The following SCAMP1 variants were observed in gnomAD, a reference collection of about 807,000 sequenced individuals.
The protein encoded by SCAMP1 is secretory carrier membrane protein 1.
Under a neutral mutation model 41.8 loss-of-function variants are expected in SCAMP1, and 15 were observed. That is an observed-to-expected ratio of 0.36 (90% CI 0.24 to 0.55). The LOEUF is 0.55. Ranked by LOEUF, SCAMP1 falls within the 20% of genes least tolerant of loss-of-function variation. SCAMP1 has a pLI of 0.86. For synonymous variants in SCAMP1, 135 were observed against 136.8 expected (o/e 0.99, Z 0.09); for missense variants, 341 against 412.6 (o/e 0.83, Z 1.50).
chr5:78,442,524 G>A (rs1005079061), intron 6 of SCAMP1, among the ~76,000 whole-genome samples: 10 of 152,170 alleles, frequency 6.6e-5, no homozygotes, highest in Admixed American at 6.6e-5. Flanking sequence ...CTCACAAAGT[G>A]CTGGGATTAC....
chr5:78,403,980 A>AAAAAG (rs1561262510), intron 2 of SCAMP1, among the ~76,000 whole-genome samples: 1 of 133,708 alleles, frequency 7.5e-6, no homozygotes, highest in Non-Finnish European at 1.6e-5. Context: ...AAAAAAAAAA[A>AAAAAG]GGGATGGTGG....
intron 6 of SCAMP1, among the ~76,000 whole-genome samples, chr5:78,446,299 G>C (rs1426214962): frequency 6.6e-6 from 1 of 152,130 alleles, no homozygotes; most frequent in Non-Finnish European, 1.5e-5. Flanking sequence ...TCTTCTAATA[G>C]ATTTCTTAAC....
intron 2 of SCAMP1, among the ~76,000 whole-genome samples, chr5:78,403,511 A>G (rs1751849580): frequency 6.6e-6 from 1 of 152,166 alleles, no homozygotes; most frequent in South Asian, 2.1e-4. Flanking sequence ...GAGAATAAGA[A>G]AAATAAGACG....
In SCAMP1 at chr5:78,475,766, C is replaced by T; in HGVS notation, c.*98C>T. The stretch of plus-strand genomic sequence containing the variant: ...TTATGTTCAAAACACACAGTACAGA[C>T]AGCATGGATATTTCCTGTTCACTTG... On this transcript the variant is annotated 3_prime_UTR_variant, in exon 9 of 9. Coordinates refer to ENST00000621999, the MANE Select transcript of SCAMP1 (RefSeq NM_004866.6). The T allele has an allele frequency of 2.2e-6, 2 of 926,906 alleles. No homozygotes were observed. Among genetic ancestry groups the T allele is most frequent in the South Asian group, 5.9e-5 (2 of 33,986 alleles). 57.4% of individuals were successfully genotyped at this position (926,906 alleles called of 1,614,324 possible). A position where few individuals can be genotyped will look rare whatever the true frequency, so the allele number is the denominator to read the frequency against.
At chr5:78,417,053 C>G (rs752299577) in intron 4 of SCAMP1, among the ~76,000 whole-genome samples, 1 of 152,122 alleles carries the variant, frequency 6.6e-6, no homozygotes, top group African/African-American at 2.4e-5. Flanking sequence ...CCCCAGTCCT[C>G]GCAAGTATTT....
intron 2 of SCAMP1, among the ~76,000 whole-genome samples, chr5:78,403,361 A>G (rs1487198647): frequency 6.6e-6 from 1 of 152,124 alleles, no homozygotes; most frequent in Non-Finnish European, 1.5e-5. Context: ...CATTGCTGTC[A>G]TTCATTTCGC....
intron 8 of SCAMP1, among the ~76,000 whole-genome samples, chr5:78,469,930 A>AAAAAC (rs1753842741): frequency 4.7e-5 from 1 of 21,056 alleles, no homozygotes; most frequent in African/African-American, 3.0e-4. Context: ...AAAAAAAAAA[A>AAAAAC]AACAACAACA....
chr5:78,418,708 AAC>A (rs1752266299), intron 4 of SCAMP1, 65 bp from the exon 5 acceptor site: 1 of 1,087,198 alleles, frequency 9.2e-7, no homozygotes, highest in Non-Finnish European at 1.3e-6. Context: ...TTTATTATGA[AAC>A]AAAAAATAAT....
intron 3 of SCAMP1, among the ~76,000 whole-genome samples, chr5:78,415,846 C>T (rs1482303436): frequency 2.6e-5 from 4 of 152,112 alleles, no homozygotes; most frequent in Non-Finnish European, 5.9e-5. Flanking sequence ...ATTTATGTAT[C>T]ATCTCAGTGG....
At chr5:78,385,050 G>A (rs1751309173) in intron 1 of SCAMP1, among the ~76,000 whole-genome samples, 1 of 152,034 alleles carries the variant, frequency 6.6e-6, no homozygotes, top group Non-Finnish European at 1.5e-5. Context: ...AATGTCTGAT[G>A]GAATTCAGCT....
At chr5:78,447,472 T>C (rs776455625) in intron 6 of SCAMP1, among the ~76,000 whole-genome samples, 1 of 152,096 alleles carries the variant, frequency 6.6e-6, no homozygotes, top group Non-Finnish European at 1.5e-5. Flanking sequence ...ACTACTAATT[T>C]TGAGAAAGGT....
At chr5:78,438,180 A>C (rs1385757747) in intron 6 of SCAMP1, among the ~76,000 whole-genome samples, 1 of 151,992 alleles carries the variant, frequency 6.6e-6, no homozygotes, top group East Asian at 1.9e-4. Context: ...GGATTCATTG[A>C]TTTTTTGAAG....
rs367852089 is a variant in SCAMP1 at position 78,408,342 on chromosome 5, T to G, written c.136-7178T>G. 1.4e-4 allele frequency among the ~76,000 whole-genome samples: 21 copies of G among 152,088 alleles called. No individual in the cohort carries two copies. In the East Asian group the frequency reaches 4.1e-3, roughly 29 times the overall value. On this transcript the variant is annotated intron_variant, in intron 2 of 8. Coordinates refer to ENST00000621999, the MANE Select transcript of SCAMP1 (RefSeq NM_004866.6). ...CATAGGAAAGACCCACCCCCATGAT[T>G]CAGTTACCTCCCACCAGGCCCCTCC... is the stretch of plus-strand genomic sequence containing the variant.
chr5:78,404,648 A>G (rs1751888437), intron 2 of SCAMP1, among the ~76,000 whole-genome samples: 2 of 152,190 alleles, frequency 1.3e-5, no homozygotes, highest in South Asian at 4.1e-4. Flanking sequence ...TAGGTGGGAC[A>G]GAATGGCTAG....
In SCAMP1 at chr5:78,366,650, A is replaced by G. The variant is rs914443091; in HGVS notation, c.57+5922A>G. ...TATCCATCTTATTTCATTTACCTTG[A>G]CAATGATACTTACAAGTTGATTTCA... is the stretch of plus-strand genomic sequence containing the variant. On this transcript the variant is annotated intron_variant, in intron 1 of 8. Transcript: ENST00000621999. Among the ~76,000 whole-genome samples, 3 of 152,182 alleles carry G rather than the reference A, an allele frequency of 2.0e-5. No individual in the cohort carries two copies. In the East Asian group the frequency reaches 5.8e-4, roughly 29 times the overall value.
intron 1 of SCAMP1, among the ~76,000 whole-genome samples, chr5:78,370,234 A>G (rs188858520): frequency 2.6e-5 from 4 of 152,320 alleles, no homozygotes; most frequent in African/African-American, 7.2e-5. Flanking sequence ...ATTTAGACCT[A>G]CAGTTTTTGG....
chr5:78,439,029 AT>A (rs1357799572), intron 6 of SCAMP1, among the ~76,000 whole-genome samples: 2 of 152,106 alleles, frequency 1.3e-5, no homozygotes, highest in African/African-American at 2.4e-5. Context: ...AGAGACTAGG[AT>A]TGCAACCCCT....
intron 7 of SCAMP1, among the ~76,000 whole-genome samples, chr5:78,456,617 A>AT (rs1275718461): frequency 3.4e-5 from 5 of 148,674 alleles, no homozygotes; most frequent in Non-Finnish European, 7.4e-5. Context: ...TGCCCTTAAC[A>AT]TTTTTTCCTT....
chr5:78,411,389 A>G (rs563551103), intron 2 of SCAMP1, among the ~76,000 whole-genome samples: 1 of 152,304 alleles, frequency 6.6e-6, no homozygotes, highest in South Asian at 2.1e-4. Context: ...GGAAAAGAGA[A>G]TTTGTGATTA....
Sources: allele counts gnomAD v4.1 joint callset (sites outside exome capture counted in the v4.1 genomes callset), GRCh38; gene constraint gnomAD v4.1.1; transcripts MANE v1.5; gene names NCBI Gene and HGNC (gene_info 2026-07-23, HGNC 2026-07-21).